CTNNA2: variants seen among roughly 807,000 people sequenced by gnomAD.
CTNNA2 encodes catenin alpha-2.
CTNNA2 carries 42 observed loss-of-function variants against 101.0 expected under a neutral mutation model. The ratio of observed to expected loss-of-function variants is 0.42; its 90% CI spans 0.32 to 0.54. CTNNA2 has a LOEUF of 0.54. Ranked by LOEUF, CTNNA2 falls within the 20% of genes least tolerant of loss-of-function variation. CTNNA2 has a pLI of 0.14. For synonymous variants in CTNNA2, 450 were observed against 456.4 expected (o/e 0.99, Z 0.18); for missense variants, 871 against 1,223.1 (o/e 0.71, Z 4.29).
chr2:80,377,013 G>T (rs542229863), intron 7 of CTNNA2, among the ~76,000 whole-genome samples: 1 of 152,134 alleles, frequency 6.6e-6, no homozygotes, highest in Admixed American at 6.5e-5. Flanking sequence ...AAGCTACCAC[G>T]GTTGTCAGAG....
At chr2:79,395,466 C>T (rs2861844) in intron 4 of CTNNA2, among the ~76,000 whole-genome samples, 120,628 of 151,480 alleles carry the variant, frequency 0.8, 48,229 homozygotes, top group East Asian at 0.95. Context: ...TGTTCAATTC[C>T]CACCTATGAG....
At chr2:80,010,046 T>C (rs1412647261) in intron 7 of CTNNA2, among the ~76,000 whole-genome samples, 1 of 151,544 alleles carries the variant, frequency 6.6e-6, no homozygotes, top group Non-Finnish European at 1.5e-5. Context: ...TTAAATGTGA[T>C]TAATGTGATT....
chr2:79,668,240 C>T (rs911339492), intron 2 of CTNNA2, among the ~76,000 whole-genome samples: 12 of 104,652 alleles, frequency 1.1e-4, no homozygotes, highest in Non-Finnish European at 2.2e-4. Context: ...GAGCGAGACT[C>T]CGTCTCAAAA....
At chr2:80,387,489 G>A (rs1677127394) in intron 7 of CTNNA2, among the ~76,000 whole-genome samples, 1 of 152,160 alleles carries the variant, frequency 6.6e-6, no homozygotes, top group Non-Finnish European at 1.5e-5. Context: ...CTTGTCCAAA[G>A]TGGGCCAAAG....
intron 7 of CTNNA2, among the ~76,000 whole-genome samples, chr2:80,348,581 T>C (rs1342912634): frequency 6.6e-6 from 1 of 152,162 alleles, no homozygotes; most frequent in African/African-American, 2.4e-5. Flanking sequence ...ATGCTGTTTC[T>C]GGAAAAACGT....
At chr2:79,692,676 A>G (rs1684385126) in intron 2 of CTNNA2, among the ~76,000 whole-genome samples, 1 of 152,074 alleles carries the variant, frequency 6.6e-6, no homozygotes, top group African/African-American at 2.4e-5. Flanking sequence ...CATATATACC[A>G]TGGAATACTA....
rs77492071 is a variant in CTNNA2 at position 79,271,222 on chromosome 2, T to A, written c.-405-41487T>A. Reference sequence around the variant, plus strand: ...TTCAATTTTTTTGGCTATGGGAGGTTTTTTATTGCAATATCATGATAATAG... The same window carrying A: ...TTCAATTTTTTTGGCTATGGGAGGTATTTTATTGCAATATCATGATAATAG... On this transcript the variant is annotated intron_variant, in intron 2 of 21. Transcript: ENST00000466387. Among the ~76,000 whole-genome samples, 307 of 152,126 alleles carry A rather than the reference T, an allele frequency of 2.0e-3. 1 individual carries two copies. The highest frequency in any genetic ancestry group is 7.2e-3 in the African/African-American group (298 of 41,508).
chr2:79,616,509 T>C (rs1386138009), intron 1 of CTNNA2, among the ~76,000 whole-genome samples: 1 of 152,202 alleles, frequency 6.6e-6, no homozygotes, highest in Admixed American at 6.5e-5. Flanking sequence ...TAAAACTAAC[T>C]GTTAAATAAA....
At chr2:79,886,172 T>C (rs184671484) in intron 6 of CTNNA2, among the ~76,000 whole-genome samples, 3 of 152,214 alleles carry the variant, frequency 2.0e-5, no homozygotes, top group Non-Finnish European at 4.4e-5. Flanking sequence ...CAAGATGAAA[T>C]TGTGGAATAA....
At chr2:80,317,197 C>T (rs1399350132) in intron 7 of CTNNA2, among the ~76,000 whole-genome samples, 1 of 152,158 alleles carries the variant, frequency 6.6e-6, no homozygotes, top group African/African-American at 2.4e-5. Flanking sequence ...ATTTTGAACA[C>T]AGGATATGCT....
chr2:79,882,931 G>A (rs943399496), intron 6 of CTNNA2, among the ~76,000 whole-genome samples: 1 of 22,662 alleles, frequency 4.4e-5, no homozygotes, highest in African/African-American at 3.1e-4. Context: ...GCCTTCCTTG[G>A]CTGGGGGTGG....
At chr2:79,343,722 C>CAATTATTAT (rs1246669561) in intron 3 of CTNNA2, among the ~76,000 whole-genome samples, 14 of 65,010 alleles carry the variant, frequency 2.2e-4, no homozygotes, top group African/African-American at 8.6e-4. Context: ...AAGACACGGA[C>CAATTATTAT]GATTATTATT....
intron 3 of CTNNA2, among the ~76,000 whole-genome samples, chr2:79,353,959 G>A (rs576641908): frequency 6.6e-6 from 1 of 151,836 alleles, no homozygotes; most frequent in Non-Finnish European, 1.5e-5. Flanking sequence ...TTAAATTCTT[G>A]GTTGGAATTT....
intron 7 of CTNNA2, among the ~76,000 whole-genome samples, chr2:80,315,981 A>G (rs906208710): frequency 6.6e-6 from 1 of 152,128 alleles, no homozygotes; most frequent in Non-Finnish European, 1.5e-5. Flanking sequence ...ACATTTTTCC[A>G]AGATCTCCAA....
chr2:79,306,061 A>C (rs888023041), intron 2 of CTNNA2, among the ~76,000 whole-genome samples: 1 of 151,792 alleles, frequency 6.6e-6, no homozygotes, highest in Non-Finnish European at 1.5e-5. Flanking sequence ...AAAAAAAAAA[A>C]AGGCAATCTT....
At chr2:80,294,442 G>C (rs1344072644) in intron 7 of CTNNA2, among the ~76,000 whole-genome samples, 1 of 74,686 alleles carries the variant, frequency 1.3e-5, no homozygotes, top group Non-Finnish European at 4.0e-5. Context: ...CACGTAACCT[G>C]ACCCCATGGA....
At chr2:79,909,567 TTGTG>T in intron 6 of CTNNA2, 23 bp from the exon 7 acceptor site, 4 of 1,533,880 alleles carry the variant, frequency 2.6e-6, no homozygotes, top group Admixed American at 1.8e-5. Context: ...CTGCTGATTT[TTGTG>T]TGTGTGTGTG....
At chr2:79,657,910 A>G (rs17716058) in intron 2 of CTNNA2, among the ~76,000 whole-genome samples, 11,041 of 151,884 alleles carry the variant, frequency 0.073, 470 homozygotes, top group South Asian at 0.1. Flanking sequence ...AATCTTTTAA[A>G]ATAATGTACC....
At chr2:79,479,015 A>G (rs1671081154) in intron 4 of CTNNA2, among the ~76,000 whole-genome samples, 1 of 152,228 alleles carries the variant, frequency 6.6e-6, no homozygotes. Context: ...GGGGATGAAT[A>G]TCAATTGTAT....
Sources: allele counts gnomAD v4.1 joint callset (sites outside exome capture counted in the v4.1 genomes callset), GRCh38; gene constraint gnomAD v4.1.1; transcripts MANE v1.5; gene names NCBI Gene and HGNC (gene_info 2026-07-23, HGNC 2026-07-21).